The following GZF1 variants were observed in gnomAD, a reference collection of about 807,000 sequenced individuals.
GZF1 encodes the protein GDNF-inducible zinc finger protein 1.
In GZF1, 28 loss-of-function variants were observed where a neutral mutation model predicts 49.4. That is an observed-to-expected ratio of 0.57 (90% confidence interval 0.42 to 0.78). The LOEUF (loss-of-function observed/expected upper bound fraction) is 0.78. Ranked by LOEUF, GZF1 falls within the 30% of genes least tolerant of loss-of-function variation. The pLI, the probability that GZF1 is intolerant of heterozygous loss-of-function variation, is 0.00. For synonymous variants in GZF1, 364 were observed against 356.0 expected, an observed-to-expected ratio of 1.02 and a Z score of -0.25; for missense variants, 798 against 916.2, an observed-to-expected ratio of 0.87 and a Z score of 1.67.
upstream of GZF1, among the ~76,000 whole-genome samples, chr20:23,361,924 A>T (rs1307684945): frequency 6.6e-6 from 1 of 152,190 alleles, no homozygotes; most frequent in Non-Finnish European, 1.5e-5. Context: ...CGCAGCGCAG[A>T]CGTCGCTGTC....
chr20:23,371,421 C>T lies in GZF1; in HGVS notation c.*980C>T, dbSNP rs1490712014. On this transcript the variant is annotated 3_prime_UTR_variant, in exon 6 of 6. Coordinates refer to ENST00000338121, the MANE Select transcript of GZF1 (RefSeq NM_022482.5). ...TTCCACACCTAGAGATGGAAACAGG[C>T]AAGTAACTGACATGTCTATTTCCTT... The T allele has an allele frequency of 6.6e-6, 1 of 152,566 alleles. No homozygotes were observed. The highest frequency in any genetic ancestry group is 2.4e-5 in the African/African-American group (1 of 41,420). The allele number at this position is 152,566 out of a possible 1,614,324, so 9.5% of individuals were successfully genotyped here. A position where few individuals can be genotyped will look rare whatever the true frequency, so the allele number is the denominator to read the frequency against.
Position 23,371,797 on chromosome 20 carries a change from G to GTGAAAACACTTTGAT in GZF1, c.*1358_*1372dup, listed in dbSNP as rs1982103102. ...ACATTTTTAATTTATTAAACTTGCTGTGAAAACACTTTGATTTTCTAAGAG... is the reference window on the plus strand; with the variant it reads ...ACATTTTTAATTTATTAAACTTGCTGTGAAAACACTTTGATTGAAAACACTTTGATTTTCTAAGAG... On this transcript the variant is annotated 3_prime_UTR_variant, in exon 6 of 6. Coordinates refer to ENST00000338121, the MANE Select transcript of GZF1 (RefSeq NM_022482.5). 6.6e-6 allele frequency: 1 copy of GTGAAAACACTTTGAT among 152,140 alleles called. No individual in the cohort carries two copies. The highest frequency in any genetic ancestry group is 2.4e-5 in the African/African-American group (1 of 41,414). 9.4% of individuals were successfully genotyped at this position (152,140 alleles called of 1,614,324 possible).
chr20:23,364,243 C>A, intron 1 of GZF1, 120 bp from the exon 2 acceptor site: 1 of 554,198 alleles, frequency 1.8e-6, no homozygotes, highest in East Asian at 2.9e-5. Context: ...GAATCTTTAC[C>A]TGAGTAAAGC....
rs1397906697 is a variant in GZF1, at chr20:23,371,829, A to C, written c.*1388A>C. ...CACTTTGATTTTCTAAGAGGAAGGT[A>C]CTTTAAGTTCCAGAATGAACATGTA... On this transcript the variant is annotated 3_prime_UTR_variant, in exon 6 of 6. Coordinates refer to ENST00000338121, the MANE Select transcript of GZF1 (RefSeq NM_022482.5). 1 of 152,234 alleles carries C rather than the reference A, an allele frequency of 6.6e-6. No homozygotes were observed. Among genetic ancestry groups the C allele is most frequent in the Non-Finnish European group, 1.5e-5 (1 of 68,040 alleles). 9.4% of individuals were successfully genotyped at this position (152,234 alleles called of 1,614,324 possible). A position where few individuals can be genotyped will look rare whatever the true frequency, so the allele number is the denominator to read the frequency against.
chr20:23,365,811 G>T (rs767432548), intron 2 of GZF1, 64 bp downstream of exon 2: 6 of 1,444,728 alleles, frequency 4.2e-6, no homozygotes, highest in Non-Finnish European at 5.4e-6. Context: ...CACTGAGGTC[G>T]TCCTGGGATT....
chr20:23,362,532 G>T (rs1434704333), intron 1 of GZF1: 1 of 153,996 alleles, frequency 6.5e-6, no homozygotes. Context: ...AGGGTGGGAG[G>T]TGCCGTGAGG....
chr20:23,364,473 G>A lies in GZF1; in HGVS notation c.90G>A (p.Leu30=), dbSNP rs150491728. 1.2e-3 allele frequency: 1,968 copies of A among 1,614,230 alleles called. 2 individuals are homozygous for A. The highest frequency in any genetic ancestry group is 1.6e-3 in the Non-Finnish European group (1,865 of 1,180,026). ...ATGAGCTTCGCCTCCTGGGTCACCT[G>A]TGTGACGTGACAGTCAGCGTGGAGT... The part of the protein sequence containing the change: ...EMHELRLLGH[L]CDVTVSVEYQ... Residue 30 remains leucine (L), a synonymous_variant, in exon 2 of 6, where the codon CTG becomes CTA. Transcript: ENST00000338121.
At chr20:23,367,806 G>A (rs1286048833) in intron 3 of GZF1, among the ~76,000 whole-genome samples, 1 of 152,208 alleles carries the variant, frequency 6.6e-6, no homozygotes, top group Non-Finnish European at 1.5e-5. Context: ...TAACCCTGAG[G>A]TTTAGAATCT....
Position 23,370,507 on chromosome 20 carries a change from G to A in GZF1, c.*66G>A. On this transcript the variant is annotated 3_prime_UTR_variant, in exon 6 of 6. Transcript: ENST00000338121. The stretch of plus-strand genomic sequence containing the variant: ...GTAGCTGAACTCAAGATGATGTGGG[G>A]CTAAGAAAAATAATTGTCCATGTGC... 9.4e-7 allele frequency: 1 copy of A among 1,063,116 alleles called. No homozygotes were observed. The highest frequency in any genetic ancestry group is 1.4e-6 in the Non-Finnish European group (1 of 704,720). 65.9% of individuals were successfully genotyped at this position (1,063,116 alleles called of 1,614,324 possible).
chr20:23,365,754 G>A lies in GZF1; in HGVS notation c.1364+7G>A, dbSNP rs755267522. ...CGCTCAAGACGCACATGAGGTACGC[G>A]GGGAGCCGTCCGGAGGGGTCCCTGC... On this transcript the variant is annotated splice_region_variant and intron_variant, in intron 2 of 5. Transcript: ENST00000338121. 17 of 1,522,158 alleles carry A rather than the reference G, an allele frequency of 1.1e-5. No homozygotes were observed. Among genetic ancestry groups the A allele is most frequent in the South Asian group, 1.0e-4 (8 of 78,984 alleles). The allele number at this position is 1,522,158 out of a possible 1,614,324, so 94.3% of individuals were successfully genotyped here.
chr20:23,361,603 G>A (rs2123010455), upstream of GZF1, among the ~76,000 whole-genome samples: 1 of 152,300 alleles, frequency 6.6e-6, no homozygotes, highest in South Asian at 2.1e-4. Context: ...GCCGCGCCGA[G>A]CCCCGCCTGG....
At position 23,370,183 on chromosome 20, in the gene GZF1, CGAA is replaced by C. The variant is rs1981925657; in HGVS notation, c.1881_1883del (p.Glu628del). On this transcript the variant is annotated inframe_deletion, in exon 6 of 6. Coordinates refer to ENST00000338121, the MANE Select transcript of GZF1 (RefSeq NM_022482.5). ...ACGGACACAAGACTGAACAGCCTGA[CGAA>C]GAGTATGTGTCATCCAAGCTTTCGG... 6.2e-7 allele frequency: 1 copy of C among 1,614,182 alleles called. No homozygotes were observed. The highest frequency in any genetic ancestry group is 8.5e-7 in the Non-Finnish European group (1 of 1,180,026).
intron 1 of GZF1, among the ~76,000 whole-genome samples, chr20:23,364,097 C>T (rs899181053): frequency 1.3e-5 from 2 of 152,218 alleles, no homozygotes; most frequent in Non-Finnish European, 2.9e-5. Context: ...ATGTATTTCA[C>T]TAATCACAAC....
At position 23,364,582 on chromosome 20, in the gene GZF1, G is replaced by A. The variant is rs1257415109; in HGVS notation, c.199G>A (p.Glu67Lys). ...SKFFKEVFLN[E>K]KSVDGTRTNV... Reference sequence around the variant, plus strand: ...GTTTTTTAAGGAAGTGTTCCTTAATGAGAAGAGTGTGGATGGTACTAGGAC... The same window carrying A: ...GTTTTTTAAGGAAGTGTTCCTTAATAAGAAGAGTGTGGATGGTACTAGGAC... The change falls in exon 2 of 6, where the codon GAG (glutamate) becomes AAG (lysine). Residue 67 changes from glutamate (E) to lysine (K), a missense_variant. Glu to Lys is a moderately conservative substitution (Grantham distance 56). This residue lies in a region of GZF1 where 105 missense variants were observed against 147.5 expected (regional missense o/e 0.71). Transcript: ENST00000338121. 1 of 1,614,230 alleles carries A rather than the reference G, an allele frequency of 6.2e-7. No homozygotes were observed. The highest frequency in any genetic ancestry group is 1.1e-5 in the South Asian group (1 of 91,082).
In GZF1 at chr20:23,365,076, C is replaced by T; in HGVS notation, c.693C>T (p.Val231=). The change falls in exon 2 of 6, where the codon GTC becomes GTT. Residue 231 remains valine, a synonymous_variant. Transcript: ENST00000338121. ...GTGGAAGGCTGGCTGGGAGGAAGGTCTTTGTGGAGATCCCTAAAAAGAAAT... is the reference window on the plus strand; with the variant it reads ...GTGGAAGGCTGGCTGGGAGGAAGGTTTTTGTGGAGATCCCTAAAAAGAAAT... ...RASGRLAGRK[V]FVEIPKKKYT... 1 of 1,614,014 alleles carries T rather than the reference C, an allele frequency of 6.2e-7. No individual in the cohort carries two copies. Among genetic ancestry groups the T allele is most frequent in the Middle Eastern group, 1.6e-4 (1 of 6,062 alleles).
rs917045005 is a variant in GZF1 at position 23,372,786 on chromosome 20, G to A, written c.*2345G>A. 4 of 152,146 alleles carry A rather than the reference G, an allele frequency of 2.6e-5. No individual in the cohort carries two copies. Among genetic ancestry groups the A allele is most frequent in the African/African-American group, 9.7e-5 (4 of 41,394 alleles). 9.4% of individuals were successfully genotyped at this position (152,146 alleles called of 1,614,324 possible). A position where few individuals can be genotyped will look rare whatever the true frequency, so the allele number is the denominator to read the frequency against. On this transcript the variant is annotated 3_prime_UTR_variant, in exon 6 of 6. Coordinates refer to ENST00000338121, the MANE Select transcript of GZF1 (RefSeq NM_022482.5). ...GTGCCTCTCCCAGAGCCTCAAGAAG[G>A]GCCATTTAGGAGCTTGCTTCAACCA...
chr20:23,372,099 C>CT lies in GZF1; in HGVS notation c.*1659dup, dbSNP rs1436569499. 1 of 152,722 alleles carries CT rather than the reference C, an allele frequency of 6.5e-6. No homozygotes were observed. The highest frequency in any genetic ancestry group is 1.9e-4 in the East Asian group (1 of 5,192). 9.5% of individuals were successfully genotyped at this position (152,722 alleles called of 1,614,324 possible). On this transcript the variant is annotated 3_prime_UTR_variant, in exon 6 of 6. Coordinates refer to ENST00000338121, the MANE Select transcript of GZF1 (RefSeq NM_022482.5). ...TCCAGAGGAGACCGAACCTGCCCAG[C>CT]TGATGTACTGTTTTATGGAATAAAG... is the stretch of plus-strand genomic sequence containing the variant.
chr20:23,366,696 TG>T (rs2123054981), intron 2 of GZF1, among the ~76,000 whole-genome samples: 1 of 152,354 alleles, frequency 6.6e-6, no homozygotes, highest in East Asian at 1.9e-4. Flanking sequence ...TGGTCTTTAG[TG>T]TTTAAAAAAA....
upstream of GZF1, chr20:23,362,046 T>G (rs1468902363): frequency 6.6e-6 from 1 of 152,078 alleles, no homozygotes; most frequent in Non-Finnish European, 1.5e-5. Context: ...CCCGAACCGC[T>G]CCGCCGCCCG....
Sources: gnomAD v4.1 joint callset for allele counts (sites outside exome capture counted in the v4.1 genomes callset) on GRCh38, gnomAD v4.1.1 for gene constraint, gnomAD v4.1.1 regional missense constraint, MANE v1.5 for transcripts, NCBI Gene and HGNC (gene_info 2026-07-23, HGNC 2026-07-21) for gene names.